The following AGBL1 variants were observed in gnomAD, a reference collection of about 807,000 sequenced individuals.
AGBL1 encodes the protein AGBL carboxypeptidase 1, also known as cytosolic carboxypeptidase 4.
A neutral mutation model predicts 118.9 loss-of-function variants in AGBL1; 130 were observed. That is an observed-to-expected ratio of 1.09 (90% CI 0.95 to 1.26). AGBL1 has a LOEUF of 1.26. AGBL1 is among the 50% of genes most tolerant of loss of function. AGBL1 has a pLI of 0.00. For synonymous variants in AGBL1, 555 were observed against 478.9 expected, an observed-to-expected ratio of 1.16 and a Z score of -2.08; for missense variants, 1,584 against 1,298.1, an observed-to-expected ratio of 1.22 and a Z score of -3.38.
At chr15:86,430,115 G>T (rs934634100) in intron 18 of AGBL1, among the ~76,000 whole-genome samples, 3 of 152,174 alleles carry the variant, frequency 2.0e-5, no homozygotes, top group Admixed American at 2.0e-4. Flanking sequence ...AAGGCAAATT[G>T]TACTTTCAGT....
chr15:86,966,520 C>G (rs2081054617), intron 23 of AGBL1, among the ~76,000 whole-genome samples: 1 of 152,086 alleles, frequency 6.6e-6, no homozygotes, highest in African/African-American at 2.4e-5. Context: ...GTTCCCCTTC[C>G]TGTGTCCAAG....
chr15:86,314,753 TC>T (rs1446596012), intron 17 of AGBL1, among the ~76,000 whole-genome samples: 2 of 152,144 alleles, frequency 1.3e-5, no homozygotes, highest in African/African-American at 4.8e-5. Context: ...AGCACCTCAC[TC>T]AGAAACCAGC....
At chr15:86,394,557 T>G (rs1336264242) in intron 17 of AGBL1, among the ~76,000 whole-genome samples, 1 of 152,118 alleles carries the variant, frequency 6.6e-6, no homozygotes, top group Non-Finnish European at 1.5e-5. Flanking sequence ...CCTAACCAAA[T>G]AGTGGTTTAC....
chr15:86,900,775 A>C (rs1302669973), intron 22 of AGBL1, among the ~76,000 whole-genome samples: 1 of 152,102 alleles, frequency 6.6e-6, no homozygotes, highest in East Asian at 1.9e-4. Flanking sequence ...ATCTGGGTGA[A>C]AGATTGTGTC....
At chr15:86,368,264 G>A (rs1017090377) in intron 17 of AGBL1, among the ~76,000 whole-genome samples, 1 of 151,856 alleles carries the variant, frequency 6.6e-6, no homozygotes, top group Non-Finnish European at 1.5e-5. Context: ...AGATAGGTAC[G>A]ATATTCACAG....
intron 17 of AGBL1, among the ~76,000 whole-genome samples, chr15:86,345,051 AC>A (rs1190702332): frequency 2.0e-5 from 3 of 152,126 alleles, no homozygotes; most frequent in African/African-American, 7.2e-5. Context: ...TTTTTCAGGC[AC>A]CGTTTTAGAC....
chr15:87,008,293 G>A (rs1024235786), intron 24 of AGBL1, among the ~76,000 whole-genome samples: 4 of 152,110 alleles, frequency 2.6e-5, no homozygotes, highest in East Asian at 1.9e-4. Flanking sequence ...TCTTTCCCAC[G>A]CTGTTCTCAT....
chr15:86,842,162 G>A (rs1444870742), intron 22 of AGBL1, among the ~76,000 whole-genome samples: 1 of 151,476 alleles, frequency 6.6e-6, no homozygotes, highest in African/African-American at 2.4e-5. Context: ...TTGAGAGTGT[G>A]AAAGATTTAA....
intron 17 of AGBL1, among the ~76,000 whole-genome samples, chr15:86,380,944 G>C (rs930880252): frequency 2.2e-4 from 33 of 152,024 alleles, no homozygotes; most frequent in Non-Finnish European, 4.6e-4. Context: ...AAGTGTGTGT[G>C]TGTGTGTGTG....
chr15:86,227,987 A>G (rs2078394090), intron 6 of AGBL1, among the ~76,000 whole-genome samples: 1 of 152,162 alleles, frequency 6.6e-6, no homozygotes, highest in Non-Finnish European at 1.5e-5. Flanking sequence ...AAAGTCTGTC[A>G]TGGATTTGGG....
At chr15:86,762,919 G>A (rs1220732737) in intron 22 of AGBL1, among the ~76,000 whole-genome samples, 4 of 151,944 alleles carry the variant, frequency 2.6e-5, no homozygotes, top group African/African-American at 9.7e-5. Flanking sequence ...ATATTGCTTT[G>A]CCTCGGGTGG....
intron 6 of AGBL1, among the ~76,000 whole-genome samples, chr15:86,242,985 A>C (rs1192951388): frequency 6.6e-6 from 1 of 152,180 alleles, no homozygotes; most frequent in African/African-American, 2.4e-5. Flanking sequence ...TGCCTTCACG[A>C]GCTAGGCAGG....
intron 1 of AGBL1, among the ~76,000 whole-genome samples, chr15:86,121,949 G>C (rs766989963): frequency 6.6e-6 from 1 of 152,128 alleles, no homozygotes; most frequent in Non-Finnish European, 1.5e-5. Flanking sequence ...TTCATACAAG[G>C]CCAAACTTAA....
chr15:86,829,028 T>G (rs1166292576), intron 22 of AGBL1, among the ~76,000 whole-genome samples: 2 of 151,122 alleles, frequency 1.3e-5, no homozygotes, highest in Non-Finnish European at 2.9e-5. Flanking sequence ...GATGACATGA[T>G]GTTGACTGGA....
chr15:86,756,766 T>C lies in AGBL1; in HGVS notation c.3158+82330T>C, dbSNP rs555326894. On this transcript the variant is annotated intron_variant, in intron 22 of 22. Transcript: ENST00000614907. ...AATTGTAGATTGAAGTCAAAAGTTG[T>C]TGAGAGGGAAAAAATAGACAGAGCT... 2.6e-5 allele frequency among the ~76,000 whole-genome samples: 4 copies of C among 152,106 alleles called. No individual in the cohort carries two copies. The South Asian group carries it at 8.3e-4, about 32-fold the overall frequency.
intron 22 of AGBL1, among the ~76,000 whole-genome samples, chr15:86,849,517 C>CTTGTTT (rs1555456696): frequency 2.2e-5 from 3 of 136,798 alleles, no homozygotes; most frequent in African/African-American, 8.0e-5. Context: ...TTCTTTCTTT[C>CTTGTTT]TTTTTTTTTT....
At chr15:86,649,557 C>G (rs2085335975) in intron 21 of AGBL1, among the ~76,000 whole-genome samples, 1 of 152,132 alleles carries the variant, frequency 6.6e-6, no homozygotes, top group East Asian at 1.9e-4. Flanking sequence ...GGTGGTAAGA[C>G]AGCAGAAGCT....
chr15:86,372,913 G>A (rs1395574897), intron 17 of AGBL1, among the ~76,000 whole-genome samples: 1 of 151,936 alleles, frequency 6.6e-6, no homozygotes, highest in Non-Finnish European at 1.5e-5. Context: ...GCTGTTACTG[G>A]GTGCTAAGGA....
chr15:86,579,731 G>C (rs1217126104), intron 21 of AGBL1, among the ~76,000 whole-genome samples: 3 of 152,154 alleles, frequency 2.0e-5, no homozygotes, highest in Admixed American at 2.0e-4. Context: ...GGGACTTGGG[G>C]CAGGGAGACC....
Sources: gnomAD v4.1 joint callset for allele counts (sites outside exome capture counted in the v4.1 genomes callset) on GRCh38, gnomAD v4.1.1 for gene constraint, MANE v1.5 for transcripts, NCBI Gene and HGNC (gene_info 2026-07-23, HGNC 2026-07-21) for gene names.